Variants in MAST2 observed in about 807,000 individuals in gnomAD.
MAST2 encodes microtubule-associated serine/threonine-protein kinase 2.
MAST2 carries 70 observed loss-of-function variants against 147.4 expected under a neutral mutation model. The ratio of observed to expected loss-of-function variants is 0.47; its 90% CI spans 0.39 to 0.58. The LOEUF (loss-of-function observed/expected upper bound fraction) is 0.58. MAST2 is among the 20% of genes least tolerant of loss of function. The pLI is 0.00. For synonymous variants in MAST2, 869 were observed against 896.8 expected (o/e 0.97, Z 0.55); for missense variants, 2,080 against 2,302.3 (o/e 0.90, Z 1.98).
intron 6 of MAST2, 48 bp downstream of exon 6, chr1:45,997,847 C>A: frequency 6.9e-7 from 1 of 1,455,086 alleles, no homozygotes; most frequent in Non-Finnish European, 9.7e-7. Context: ...GTGGCACTTG[C>A]ATGAGGGTTA....
intron 5 of MAST2, among the ~76,000 whole-genome samples, chr1:45,980,275 CAAAAAAAAA>C (rs35235290): frequency 1.8e-4 from 15 of 84,058 alleles, no homozygotes; most frequent in African/African-American, 5.4e-4. Flanking sequence ...ACTGTGTTTC[CAAAAAAAAA>C]AAAAAAAAAA....
intron 4 of MAST2, among the ~76,000 whole-genome samples, chr1:45,944,392 A>G (rs1375358165): frequency 6.6e-6 from 1 of 152,134 alleles, no homozygotes; most frequent in Non-Finnish European, 1.5e-5. Context: ...CAACTACTTT[A>G]AATTTTTTTA....
At chr1:45,887,705 C>G (rs1647157526) in intron 4 of MAST2, among the ~76,000 whole-genome samples, 1 of 152,186 alleles carries the variant, frequency 6.6e-6, no homozygotes, top group African/African-American at 2.4e-5. Flanking sequence ...CTGCTGCATA[C>G]ACATAATAAA....
intron 4 of MAST2, among the ~76,000 whole-genome samples, chr1:45,947,453 C>G (rs1376276891): frequency 6.6e-6 from 1 of 152,080 alleles, no homozygotes; most frequent in Non-Finnish European, 1.5e-5. Context: ...TAAACCAAGC[C>G]CAGTGAGCTC....
intron 5 of MAST2, among the ~76,000 whole-genome samples, chr1:45,988,606 T>C (rs1035764368): frequency 6.6e-6 from 1 of 152,220 alleles, no homozygotes; most frequent in Non-Finnish European, 1.5e-5. Context: ...GTCAAGTTTG[T>C]TGGTAGTGTT....
intron 5 of MAST2, among the ~76,000 whole-genome samples, chr1:45,967,257 G>A (rs1472680086): frequency 6.6e-6 from 1 of 152,038 alleles, no homozygotes; most frequent in Non-Finnish European, 1.5e-5. Context: ...ATTTTTAGTA[G>A]AGATGACGTT....
intron 3 of MAST2, among the ~76,000 whole-genome samples, chr1:45,830,157 T>G (rs1042803903): frequency 2.7e-4 from 40 of 149,376 alleles, no homozygotes; most frequent in Admixed American, 2.0e-3. Context: ...ACTCCCGGCC[T>G]TAAGAATGAA....
Position 46,035,911 on chromosome 1 carries a change from G to A in MAST2, c.5242G>A (p.Asp1748Asn), listed in dbSNP as rs1432499912. 5.6e-6 allele frequency: 9 copies of A among 1,614,002 alleles called. No individual in the cohort carries two copies. The South Asian group carries it at 9.9e-5, about 18-fold the overall frequency. The change falls in exon 29 of 29, where the codon GAT becomes AAT. Residue 1748 changes from aspartate (D) to asparagine (N), a missense_variant. Physicochemically the swap from Asp to Asn is conservative, Grantham distance 23. Around this residue, in one of 4 missense-constraint regions of MAST2, gnomAD observed 1,278 missense variants for 1,304.2 expected, o/e 0.98. Transcript: ENST00000361297. This position sits in a 1 kb window ranked among gnomAD's most constrained non-coding sequence, Gnocchi z 5.5. Reference protein sequence around the residue: ...DPALSITQVPDASGDRRQDVP... With the variant: ...DPALSITQVPNASGDRRQDVP... ...AGCCCTGAGCATCACCCAAGTGCCT[G>A]ATGCCTCAGGTGACAGAAGGCAGGA... is the stretch of plus-strand genomic sequence containing the variant.
chr1:46,014,452 T>TA (rs1645849050), intron 10 of MAST2, among the ~76,000 whole-genome samples: 2 of 151,586 alleles, frequency 1.3e-5, no homozygotes, highest in Non-Finnish European at 2.9e-5. Context: ...TGCGATAGTT[T>TA]ACTGGGAATG....
rs1006362718 is a variant in MAST2, at chr1:46,028,498, T to C, written c.2053-270T>C. Among the ~76,000 whole-genome samples the C allele has an allele frequency of 1.2e-4, 18 of 152,192 alleles. 1 individual carries two copies. Among genetic ancestry groups the C allele is most frequent in the Admixed American group, 1.0e-3 (16 of 15,282 alleles). On this transcript the variant is annotated intron_variant, in intron 17 of 28. Coordinates refer to ENST00000361297, the MANE Select transcript of MAST2 (RefSeq NM_015112.3). ...TTAGAGGCTGGAGTGCAGAGGCCCATTGTGGGATCACATGCCAGAGGTGGG... is the reference window on the plus strand; with the variant it reads ...TTAGAGGCTGGAGTGCAGAGGCCCACTGTGGGATCACATGCCAGAGGTGGG...
Position 46,028,058 on chromosome 1 carries a change from T to G in MAST2, c.2052+195T>G, listed in dbSNP as rs550016417. Among the ~76,000 whole-genome samples, 6 of 152,314 alleles carry G rather than the reference T, an allele frequency of 3.9e-5. No homozygotes were observed. The South Asian group carries it at 1.2e-3, about 32-fold the overall frequency. ...AGATTCCAGGCCCTAGAATAAGGCC[T>G]TGGGGCCATATGCCTACCTTGTAGC... On this transcript the variant is annotated intron_variant, in intron 17 of 28. Transcript: ENST00000361297.
At chr1:45,894,558 G>T (rs1043602722) in intron 4 of MAST2, among the ~76,000 whole-genome samples, 1 of 152,118 alleles carries the variant, frequency 6.6e-6, no homozygotes. Context: ...CATAGCAAAA[G>T]AATATACTTT....
chr1:45,812,128 G>A (rs1644321584), intron 1 of MAST2, among the ~76,000 whole-genome samples: 1 of 152,146 alleles, frequency 6.6e-6, no homozygotes, highest in Non-Finnish European at 1.5e-5. Context: ...CTGTGTGGAG[G>A]ATAGGATGCA....
intron 11 of MAST2, among the ~76,000 whole-genome samples, chr1:46,021,743 T>C (rs990404707): frequency 1.4e-4 from 21 of 152,252 alleles, no homozygotes; most frequent in African/African-American, 5.1e-4. Flanking sequence ...ATGCTTAGCA[T>C]GTCCAATCTG....
At chr1:46,007,689 A>C (rs1442988468) in intron 8 of MAST2, among the ~76,000 whole-genome samples, 1 of 152,156 alleles carries the variant, frequency 6.6e-6, no homozygotes, top group Non-Finnish European at 1.5e-5. Flanking sequence ...TTTTTTAAGG[A>C]GATACAATGA....
intron 16 of MAST2, 112 bp downstream of exon 16, chr1:46,025,927 G>C (rs2149309613): frequency 7.3e-7 from 1 of 1,363,370 alleles, no homozygotes; most frequent in South Asian, 1.3e-5. Flanking sequence ...GGGAAAACAT[G>C]CTCCTGTGTG....
rs535733050 is a variant in MAST2 at position 45,849,440 on chromosome 1, T to C, written c.468+19859T>C. On this transcript the variant is annotated intron_variant, in intron 3 of 28. Transcript: ENST00000361297. ...ATAAAGCTGCACACCTATGACCATG[T>C]GATCTGTGACAAAACTGACAAAAAC... is the stretch of plus-strand genomic sequence containing the variant. 4.1e-4 allele frequency among the ~76,000 whole-genome samples: 63 copies of C among 152,130 alleles called. 3 individuals are homozygous for C. In the South Asian group the frequency reaches 0.013, roughly 32 times the overall value.
At position 45,846,209 on chromosome 1, in the gene MAST2, C is replaced by T. The variant is rs188131022; in HGVS notation, c.468+16628C>T. ...ATACAAATTTTTTATCACATTTTCC[C>T]TTATGTTGTAAAAAAAAAGAAAATA... On this transcript the variant is annotated intron_variant, in intron 3 of 28. Transcript: ENST00000361297. 2.1e-3 allele frequency among the ~76,000 whole-genome samples: 324 copies of T among 151,636 alleles called. 1 individual carries two copies. The highest frequency in any genetic ancestry group is 2.0e-3 in the Non-Finnish European group (136 of 67,918).
chr1:45,997,830 A>C (rs1645118903), intron 6 of MAST2, 31 bp downstream of exon 6: 10 of 1,574,180 alleles, frequency 6.4e-6, no homozygotes, highest in Non-Finnish European at 8.7e-6. Flanking sequence ...CTCTGGGACC[A>C]GCACATGTGG....
Sources: allele counts gnomAD v4.1 joint callset (sites outside exome capture counted in the v4.1 genomes callset), GRCh38; gene constraint gnomAD v4.1.1; regional missense constraint gnomAD v4.1.1; non-coding constraint Gnocchi (gnomAD v3.1); transcripts MANE v1.5; gene names NCBI Gene and HGNC (gene_info 2026-07-23, HGNC 2026-07-21).